SOD2: variants seen among roughly 807,000 people sequenced by gnomAD.
SOD2 encodes superoxide dismutase [Mn], mitochondrial.
A neutral mutation model predicts 27.0 loss-of-function variants in SOD2; 11 were observed. The observed-to-expected ratio is 0.41, with a 90% confidence interval of 0.26 to 0.67. The LOEUF is 0.67. Ranked by LOEUF, SOD2 falls within the 30% of genes least tolerant of loss-of-function variation. The pLI, the probability that SOD2 is intolerant of heterozygous loss-of-function variation, is 0.34. For synonymous variants in SOD2, 105 were observed against 103.0 expected (o/e 1.02, Z -0.12); for missense variants, 250 against 274.5 (o/e 0.91, Z 0.63).
At chr6:159,723,585 T>A (rs1421302353) in intron 1 of SOD2, among the ~76,000 whole-genome samples, 1 of 152,202 alleles carries the variant, frequency 6.6e-6, no homozygotes, top group East Asian at 1.9e-4. Flanking sequence ...TCAGATGTGC[T>A]CACTGTTACT....
At chr6:159,688,280 C>G (rs992175010) in intron 2 of SOD2, 38 bp from the exon 3 acceptor site, 1 of 1,244,234 alleles carries the variant, frequency 8.0e-7, no homozygotes, top group African/African-American at 1.5e-5. Context: ...TTTTGTAACT[C>G]CTACTTTTTC....
chr6:159,692,639 C>A (rs781749021), intron 2 of SOD2, 22 bp downstream of exon 2: 269 of 1,611,382 alleles, frequency 1.7e-4, no homozygotes, highest in Non-Finnish European at 2.2e-4. Flanking sequence ...GACTGCCTCC[C>A]GCCGCTCAGC....
At chr6:159,713,967 T>C in intron 1 of SOD2, 3 of 832,810 alleles carry the variant, frequency 3.6e-6, no homozygotes, top group Admixed American at 5.2e-5. Flanking sequence ...AACCCCTCCC[T>C]GCCTTCCGTG....
chr6:159,690,284 CAAAA>C (rs11429489), intron 2 of SOD2, among the ~76,000 whole-genome samples: 1 of 67,034 alleles, frequency 1.5e-5, no homozygotes, highest in African/African-American at 6.0e-5. Context: ...GAGATTCCGT[CAAAA>C]AAAAAAAAAA....
chr6:159,727,051 C>CGAA (rs1778210851), intron 1 of SOD2: 4 of 1,219,460 alleles, frequency 3.3e-6, no homozygotes, highest in Non-Finnish European at 3.1e-6. Flanking sequence ...CGAGTACTTC[C>CGAA]ACCTTCCCTT....
chr6:159,754,361 C>T (rs1779928375), intron 1 of SOD2, among the ~76,000 whole-genome samples: 1 of 152,166 alleles, frequency 6.6e-6, no homozygotes, highest in Non-Finnish European at 1.5e-5. Context: ...GAGGACCACA[C>T]TATCCTTAAG....
intron 1 of SOD2, among the ~76,000 whole-genome samples, chr6:159,715,280 CTATT>C (rs1319056358): frequency 6.6e-6 from 1 of 151,916 alleles, no homozygotes; most frequent in Non-Finnish European, 1.5e-5. Context: ...ATAGAGAAAA[CTATT>C]TACAGGTTAA....
chr6:159,710,100 A>G (rs1351292075), intron 1 of SOD2, among the ~76,000 whole-genome samples: 1 of 103,908 alleles, frequency 9.6e-6, no homozygotes, highest in Non-Finnish European at 1.7e-5. Context: ...AACATCACAC[A>G]CTGGGGCCTG....
chr6:159,740,135 A>G (rs971288807), intron 1 of SOD2, among the ~76,000 whole-genome samples: 1 of 151,502 alleles, frequency 6.6e-6, no homozygotes, highest in African/African-American at 2.4e-5. Flanking sequence ...ATGGGCCACC[A>G]TGCCTGGCCA....
exon 1 of SOD2, chr6:159,727,171 T>G: frequency 6.7e-6 from 8 of 1,202,784 alleles, no homozygotes; most frequent in Non-Finnish European, 8.5e-6. Context: ...CGCGCCAGGC[T>G]CCTGGGAAAG....
In SOD2 at chr6:159,693,229, C is replaced by G. The variant is rs5746093; in HGVS notation, c.-62G>C. ...CTGCTGAAGCCGCTGCCGAAGCCAC[C>G]ACAGCCACGAGTGCCGCTCCTGCGC... is the stretch of plus-strand genomic sequence containing the variant. On this transcript the variant is annotated 5_prime_UTR_variant, in exon 1 of 5. Transcript: ENST00000538183. 1.4e-3 allele frequency: 2,125 copies of G among 1,467,502 alleles called. 29 individuals carry two copies. The African/African-American group carries it at 0.027, about 19-fold the overall frequency. 90.9% of individuals were successfully genotyped at this position (1,467,502 alleles called of 1,614,324 possible).
upstream of SOD2, among the ~76,000 whole-genome samples, chr6:159,728,671 A>T (rs1778377494): frequency 6.6e-6 from 1 of 152,242 alleles, no homozygotes; most frequent in Non-Finnish European, 1.5e-5. Flanking sequence ...TATGAGCGAA[A>T]AATCTTTTCA....
chr6:159,724,120 C>T (rs1025390490), intron 1 of SOD2, among the ~76,000 whole-genome samples: 1 of 151,648 alleles, frequency 6.6e-6, no homozygotes, highest in African/African-American at 2.4e-5. Context: ...TAGTTTCCAC[C>T]CCCACCCCCG....
upstream of SOD2, among the ~76,000 whole-genome samples, chr6:159,730,328 T>C (rs560360155): frequency 4.1e-4 from 63 of 152,362 alleles, no homozygotes; most frequent in African/African-American, 1.5e-3. Context: ...AATGATGTTA[T>C]GGTCATTCTG....
chr6:159,754,900 G>T, intron 1 of SOD2: 1 of 1,032,524 alleles, frequency 9.7e-7, no homozygotes, highest in Non-Finnish European at 1.3e-6. Flanking sequence ...TTTAAATGTA[G>T]TGTGATTTTA....
rs1482565818 is a variant in SOD2, at chr6:159,681,166, G to C, written c.*1327C>G. The C allele has an allele frequency of 7.2e-6, 1 of 139,682 alleles. No individual in the cohort carries two copies. The highest frequency in any genetic ancestry group is 1.6e-5 in the Non-Finnish European group (1 of 60,988). 8.7% of individuals were successfully genotyped at this position (139,682 alleles called of 1,614,324 possible). A position where few individuals can be genotyped will look rare whatever the true frequency, so the allele number is the denominator to read the frequency against. On this transcript the variant is annotated 3_prime_UTR_variant, in exon 5 of 5. Transcript: ENST00000538183. ...GAGACGGAGCAGGGACCCCTCTTTG[G>C]GGTGTGCCAGGGGGATTCCCACAAG...
At chr6:159,710,487 A>G (rs1777713512) in intron 1 of SOD2, among the ~76,000 whole-genome samples, 1 of 152,052 alleles carries the variant, frequency 6.6e-6, no homozygotes, top group Non-Finnish European at 1.5e-5. Context: ...GAAGCTGACC[A>G]AGAGTGATCA....
At chr6:159,734,222 C>G (rs759330401) in intron 1 of SOD2, among the ~76,000 whole-genome samples, 1 of 151,842 alleles carries the variant, frequency 6.6e-6, no homozygotes, top group Non-Finnish European at 1.5e-5. Flanking sequence ...CCACATTGCC[C>G]GGGCTCGGTT....
At chr6:159,762,222 G>C in exon 1 of SOD2, 1 of 1,493,802 alleles carries the variant, frequency 6.7e-7, no homozygotes, top group East Asian at 2.5e-5. Context: ...ACTTGTGTAG[G>C]AGAGGGGCGT....
Sources: allele counts gnomAD v4.1 joint callset (sites outside exome capture counted in the v4.1 genomes callset), GRCh38; gene constraint gnomAD v4.1.1; transcripts MANE v1.5; gene names NCBI Gene and HGNC (gene_info 2026-07-23, HGNC 2026-07-21).